Variants in SOX6 observed in about 807,000 individuals in gnomAD.
SOX6 encodes transcription factor SOX-6.
A neutral mutation model predicts 97.8 loss-of-function variants in SOX6; 11 were observed. The ratio of observed to expected loss-of-function variants is 0.11; its 90% CI spans 0.07 to 0.19. The LOEUF is 0.19. Among genes scored for constraint, SOX6 ranks in the 10% least tolerant of loss-of-function variants. SOX6 has a pLI of 1.00. For synonymous variants in SOX6, 360 were observed against 371.4 expected (o/e 0.97, Z 0.35); for missense variants, 810 against 1,039.5 (o/e 0.78, Z 3.04).
chr11:16,061,148 A>G (rs2133928581), intron 9 of SOX6, among the ~76,000 whole-genome samples: 1 of 151,832 alleles, frequency 6.6e-6, no homozygotes, highest in African/African-American at 2.4e-5. Context: ...ACACTGTTTC[A>G]CAGGAAATTA....
chr11:16,153,822 C>G (rs888490746), intron 6 of SOX6, among the ~76,000 whole-genome samples: 1 of 151,978 alleles, frequency 6.6e-6, no homozygotes, highest in African/African-American at 2.4e-5. Flanking sequence ...TGAGGAAAAT[C>G]TAAGCATTTT....
chr11:16,697,673 C>T (rs1001774588), intron 3 of SOX6, among the ~76,000 whole-genome samples: 2 of 152,178 alleles, frequency 1.3e-5, no homozygotes, highest in African/African-American at 2.4e-5. Flanking sequence ...CTATGTTTGG[C>T]AGCTACAGCT....
At chr11:16,047,736 ATGTGTG>A (rs1855880776) in intron 11 of SOX6, among the ~76,000 whole-genome samples, 1 of 121,180 alleles carries the variant, frequency 8.3e-6, no homozygotes, top group South Asian at 2.6e-4. Flanking sequence ...GTGTGTGTGT[ATGTGTG>A]TGTATACACC....
At chr11:16,246,088 G>A (rs1853326971) in intron 3 of SOX6, among the ~76,000 whole-genome samples, 1 of 150,800 alleles carries the variant, frequency 6.6e-6, no homozygotes, top group Non-Finnish European at 1.5e-5. Flanking sequence ...TTATTTAAAT[G>A]ATTGATCCAG....
At chr11:16,430,235 C>T (rs150274996) in intron 1 of SOX6, among the ~76,000 whole-genome samples, 110 of 152,236 alleles carry the variant, frequency 7.2e-4, no homozygotes, top group African/African-American at 2.5e-3. Context: ...TTTCAGATCT[C>T]GTTTCAATCC....
chr11:16,102,516 T>C (rs180982628), intron 7 of SOX6, among the ~76,000 whole-genome samples: 278 of 151,886 alleles, frequency 1.8e-3, no homozygotes, highest in Middle Eastern at 6.8e-3. Context: ...TTCAAGGAAC[T>C]AGTAAAAAGA....
chr11:16,309,842 G>A (rs1211037956), intron 3 of SOX6, among the ~76,000 whole-genome samples: 1 of 151,998 alleles, frequency 6.6e-6, no homozygotes, highest in Non-Finnish European at 1.5e-5. Flanking sequence ...TCAGTCTAAT[G>A]AATTTTCAAT....
intron 4 of SOX6, among the ~76,000 whole-genome samples, chr11:16,223,554 G>C (rs1286367692): frequency 6.6e-6 from 1 of 152,102 alleles, no homozygotes; most frequent in East Asian, 1.9e-4. Context: ...TGTAGATATA[G>C]ATGTTAATGG....
At chr11:16,422,240 A>G (rs759503142) in intron 1 of SOX6, among the ~76,000 whole-genome samples, 42 of 152,240 alleles carry the variant, frequency 2.8e-4, no homozygotes, top group Non-Finnish European at 4.4e-4. Context: ...CCACTTTTAT[A>G]TAAGTCACAC....
chr11:16,699,061 T>C (rs1222936943), intron 3 of SOX6, among the ~76,000 whole-genome samples: 1 of 152,222 alleles, frequency 6.6e-6, no homozygotes, highest in South Asian at 2.1e-4. Context: ...TTGCAAAAGA[T>C]GCAGTATCTG....
chr11:16,067,437 C>T (rs1490435267), intron 9 of SOX6, among the ~76,000 whole-genome samples: 3 of 151,972 alleles, frequency 2.0e-5, no homozygotes, highest in Non-Finnish European at 4.4e-5. Flanking sequence ...AGAGCGGTTC[C>T]CCTGCACACA....
At chr11:15,986,460 G>C in intron 14 of SOX6, 40 bp from the exon 15 acceptor site, 1 of 1,598,304 alleles carries the variant, frequency 6.3e-7, no homozygotes, top group African/African-American at 1.3e-5. Context: ...AGTGGTCAAG[G>C]CAACATATTC....
chr11:16,398,653 A>G (rs1369980170), intron 1 of SOX6, among the ~76,000 whole-genome samples: 1 of 151,304 alleles, frequency 6.6e-6, no homozygotes, highest in East Asian at 1.9e-4. Flanking sequence ...AGTACCACTT[A>G]CCCTAGATTT....
At chr11:16,180,998 C>T (rs1040404754) in intron 6 of SOX6, among the ~76,000 whole-genome samples, 1 of 151,558 alleles carries the variant, frequency 6.6e-6, no homozygotes, top group African/African-American at 2.4e-5. Context: ...TCATTTGTTT[C>T]CATTATAATA....
intron 6 of SOX6, among the ~76,000 whole-genome samples, chr11:16,160,189 G>A (rs1850711270): frequency 6.6e-6 from 1 of 152,166 alleles, no homozygotes; most frequent in Non-Finnish European, 1.5e-5. Flanking sequence ...ACAAGATTGG[G>A]CAGAGGAAGA....
At chr11:16,127,219 A>G (rs1849630448) in intron 6 of SOX6, among the ~76,000 whole-genome samples, 1 of 129,350 alleles carries the variant, frequency 7.7e-6, no homozygotes, top group Non-Finnish European at 1.5e-5. Context: ...AGAGATTTTT[A>G]ACAACAACAA....
chr11:16,519,524 A>G (rs2133159241), intron 4 of SOX6, among the ~76,000 whole-genome samples: 1 of 152,056 alleles, frequency 6.6e-6, no homozygotes, highest in East Asian at 1.9e-4. Flanking sequence ...AAAGGACATG[A>G]TTTCATTCTT....
intron 4 of SOX6, among the ~76,000 whole-genome samples, chr11:16,191,678 C>T (rs967225455): frequency 2.0e-5 from 3 of 151,996 alleles, no homozygotes; most frequent in African/African-American, 7.2e-5. Context: ...CACATAAAAA[C>T]AGAGGTAGTT....
chr11:16,647,146 A>T (rs959344116), intron 3 of SOX6, among the ~76,000 whole-genome samples: 49 of 152,028 alleles, frequency 3.2e-4, no homozygotes, highest in African/African-American at 1.1e-3. Context: ...CCTTTGTCAG[A>T]TGTATAGATT....
Sources: allele counts gnomAD v4.1 joint callset (sites outside exome capture counted in the v4.1 genomes callset), GRCh38; gene constraint gnomAD v4.1.1; transcripts MANE v1.5; gene names NCBI Gene and HGNC (gene_info 2026-07-23, HGNC 2026-07-21).